The following SAMD3 variants were observed in gnomAD, a reference collection of about 807,000 sequenced individuals.
The protein encoded by SAMD3 is sterile alpha motif domain containing 3, also known as sterile alpha motif domain-containing protein 3.
SAMD3 carries 63 observed loss-of-function variants against 58.5 expected under a neutral mutation model. The observed-to-expected ratio is 1.08, with a 90% CI of 0.88 to 1.33. The LOEUF (loss-of-function observed/expected upper bound fraction) is 1.33. SAMD3 is among the 40% of genes most tolerant of loss of function. The probability of loss-of-function intolerance (pLI) is 0.00; values close to 1 mark genes in which losing one functional copy is unlikely to be tolerated. For missense variants in SAMD3, 604 were observed against 608.4 expected (o/e 0.99, Z 0.08); for synonymous variants, 220 against 210.3 (o/e 1.05, Z -0.40).
chr6:130,265,036 TA>T (rs1774289524), intron 2 of SAMD3, among the ~76,000 whole-genome samples: 1 of 152,156 alleles, frequency 6.6e-6, no homozygotes, highest in African/African-American at 2.4e-5. Flanking sequence ...AGGCAAAACC[TA>T]AACATAAAGT....
At chr6:130,324,858 C>T (rs1776703795) in intron 1 of SAMD3, among the ~76,000 whole-genome samples, 1 of 151,774 alleles carries the variant, frequency 6.6e-6, no homozygotes, top group Non-Finnish European at 1.5e-5. Flanking sequence ...GTTCAGCCTA[C>T]ACACAAGAAC....
chr6:130,264,586 C>A (rs1385883122), intron 2 of SAMD3, among the ~76,000 whole-genome samples: 1 of 152,128 alleles, frequency 6.6e-6, no homozygotes, highest in East Asian at 1.9e-4. Flanking sequence ...GCGGGAGAAG[C>A]CCCTTATGGG....
chr6:130,151,362 T>A (rs1481797019), intron 9 of SAMD3, among the ~76,000 whole-genome samples: 1 of 152,142 alleles, frequency 6.6e-6, no homozygotes, highest in Non-Finnish European at 1.5e-5. Context: ...TTATCCATGT[T>A]AACAGTGGGA....
chr6:130,194,716 G>A (rs532890856), intron 5 of SAMD3, among the ~76,000 whole-genome samples: 270 of 152,320 alleles, frequency 1.8e-3, no homozygotes, highest in Non-Finnish European at 2.7e-3. Context: ...AAATTGGACT[G>A]TTCAACTCAC....
At position 130,144,666 on chromosome 6, in the gene SAMD3, A is replaced by C. The variant is rs767707486; in HGVS notation, c.1417T>G (p.Phe473Val). 6.2e-7 allele frequency: 1 copy of C among 1,614,072 alleles called. No homozygotes were observed. The highest frequency in any genetic ancestry group is 8.5e-7 in the Non-Finnish European group (1 of 1,180,016). The change falls in exon 12 of 12, where the codon TTT (phenylalanine) becomes GTT (valine). Residue 473 changes from phenylalanine to valine, a missense_variant. Coordinates refer to ENST00000439090, the MANE Select transcript of SAMD3 (RefSeq NM_001017373.4). ...GGACACTCAATCCTAAATACATGAA[A>C]GGCAGCTACTAGCGCAGCCAAGGCT... ...VTALAALVAA[F>V]HVFRIECPRR...
chr6:130,335,948 G>A (rs1223782722), intron 1 of SAMD3, among the ~76,000 whole-genome samples: 1 of 152,042 alleles, frequency 6.6e-6, no homozygotes, highest in East Asian at 1.9e-4. Context: ...CTCACTCATA[G>A]GTAGGAACTG....
intron 2 of SAMD3, among the ~76,000 whole-genome samples, chr6:130,240,361 G>A (rs1000422213): frequency 6.6e-6 from 1 of 152,150 alleles, no homozygotes; most frequent in Admixed American, 6.5e-5. Flanking sequence ...GAGTCAAAGA[G>A]GGAACACGTG....
chr6:130,309,590 T>G (rs1211151876), intron 2 of SAMD3, among the ~76,000 whole-genome samples: 5 of 152,144 alleles, frequency 3.3e-5, no homozygotes, highest in African/African-American at 1.2e-4. Context: ...CTTGAAGTGC[T>G]TAAGTCAAAG....
chr6:130,320,182 T>A (rs780061680), intron 1 of SAMD3, among the ~76,000 whole-genome samples: 3 of 151,970 alleles, frequency 2.0e-5, no homozygotes, highest in African/African-American at 2.4e-5. Flanking sequence ...AGATCCAGAA[T>A]ATACAGAGAA....
At chr6:130,265,119 T>C (rs1226814286) in intron 2 of SAMD3, among the ~76,000 whole-genome samples, 1 of 152,242 alleles carries the variant, frequency 6.6e-6, no homozygotes, top group African/African-American at 2.4e-5. Context: ...ACTAACTAGA[T>C]ATCAAAGCTT....
chr6:130,361,062 G>A (rs186992963), intron 1 of SAMD3, among the ~76,000 whole-genome samples: 156 of 152,050 alleles, frequency 1.0e-3, no homozygotes, highest in East Asian at 5.0e-3. Context: ...TACAATTTGT[G>A]CAGTTAACGC....
chr6:130,166,654 G>A (rs1264462557), intron 8 of SAMD3, among the ~76,000 whole-genome samples: 2 of 152,110 alleles, frequency 1.3e-5, no homozygotes, highest in African/African-American at 2.4e-5. Flanking sequence ...CTTGGGGTAT[G>A]GGAAAGACTG....
intron 2 of SAMD3, among the ~76,000 whole-genome samples, chr6:130,308,015 TAA>T (rs1194797983): frequency 2.0e-5 from 3 of 152,196 alleles, no homozygotes; most frequent in Non-Finnish European, 4.4e-5. Flanking sequence ...ATTTTAAACT[TAA>T]GTTTTTAAAG....
rs985083887 is a variant in SAMD3 at position 130,190,737 on chromosome 6, T to C, written c.384-6114A>G. Among the ~76,000 whole-genome samples, 36 of 152,182 alleles carry C rather than the reference T, an allele frequency of 2.4e-4. 1 individual carries two copies. Among genetic ancestry groups the C allele is most frequent in the Admixed American group, 1.8e-3 (27 of 15,274 alleles). ...GCTCCTCACAATTTATCCCCCTATA[T>C]AGCCATAAACCCTTCTCCTCTGTGA... is the stretch of plus-strand genomic sequence containing the variant. On this transcript the variant is annotated intron_variant, in intron 5 of 11. Transcript: ENST00000439090.
intron 2 of SAMD3, among the ~76,000 whole-genome samples, chr6:130,312,612 C>T (rs1285271890): frequency 6.6e-6 from 1 of 152,186 alleles, no homozygotes; most frequent in Non-Finnish European, 1.5e-5. Context: ...TTGCAATTCC[C>T]TATTTTAGTT....
chr6:130,305,806 T>C (rs1370377960), intron 2 of SAMD3, among the ~76,000 whole-genome samples: 2 of 152,228 alleles, frequency 1.3e-5, no homozygotes, highest in South Asian at 2.1e-4. Flanking sequence ...ATATTGCTAA[T>C]GCTAATATTT....
chr6:130,219,329 A>AT (rs35802545), intron 1 of SAMD3, among the ~76,000 whole-genome samples: 5 of 151,452 alleles, frequency 3.3e-5, no homozygotes, highest in African/African-American at 4.9e-5. Context: ...ACAGGGATTT[A>AT]TTTTTTTTTA....
intron 2 of SAMD3, among the ~76,000 whole-genome samples, chr6:130,300,842 T>A (rs1775722410): frequency 1.3e-5 from 2 of 152,100 alleles, no homozygotes; most frequent in South Asian, 4.2e-4. Flanking sequence ...TTATTATACT[T>A]TAAGTTCTAG....
chr6:130,187,164 A>G (rs1793075328), intron 5 of SAMD3, among the ~76,000 whole-genome samples: 1 of 152,142 alleles, frequency 6.6e-6, no homozygotes. Context: ...GTGATTTTCA[A>G]GTAGCTAAAT....
Sources: allele counts gnomAD v4.1 joint callset (sites outside exome capture counted in the v4.1 genomes callset), GRCh38; gene constraint gnomAD v4.1.1; transcripts MANE v1.5; gene names NCBI Gene and HGNC (gene_info 2026-07-23, HGNC 2026-07-21).